The following GRIA1 variants were observed in gnomAD, a reference collection of about 807,000 sequenced individuals.
GRIA1 encodes the protein glutamate receptor 1.
In GRIA1, 31 loss-of-function variants were observed where a neutral mutation model predicts 99.2. The observed-to-expected ratio is 0.31, with a 90% CI of 0.23 to 0.42. The LOEUF (loss-of-function observed/expected upper bound fraction) is 0.42. GRIA1 is among the 10% of genes least tolerant of loss of function. The pLI, the probability that GRIA1 is intolerant of heterozygous loss-of-function variation, is 1.00. For synonymous variants in GRIA1, 438 were observed against 432.4 expected (o/e 1.01, Z -0.16); for missense variants, 782 against 1,157.5 (o/e 0.68, Z 4.71).
chr5:153,723,822 G>C (rs928049072), intron 11 of GRIA1, among the ~76,000 whole-genome samples: 2 of 151,944 alleles, frequency 1.3e-5, no homozygotes, highest in Admixed American at 1.3e-4. Flanking sequence ...GCAGGGCACA[G>C]ACAAACAAAA....
At chr5:153,659,797 T>C (rs187485746) in intron 5 of GRIA1, among the ~76,000 whole-genome samples, 33 of 152,288 alleles carry the variant, frequency 2.2e-4, no homozygotes, top group African/African-American at 7.7e-4. Flanking sequence ...CATAGAGAAC[T>C]AGAAGATTGG....
intron 4 of GRIA1, 84 bp from the exon 5 acceptor site, chr5:153,655,735 G>A (rs111952198): frequency 1.7e-5 from 19 of 1,142,214 alleles, no homozygotes; most frequent in Middle Eastern, 1.9e-4. Flanking sequence ...GTAAGCACTC[G>A]ATATCAGCTG....
intron 11 of GRIA1, among the ~76,000 whole-genome samples, chr5:153,758,794 C>T (rs1762992935): frequency 6.6e-6 from 1 of 151,912 alleles, no homozygotes; most frequent in South Asian, 2.1e-4. Flanking sequence ...GAACAGTCTA[C>T]AGCATATATC....
intron 2 of GRIA1, among the ~76,000 whole-genome samples, chr5:153,623,866 G>A (rs1424140213): frequency 6.6e-6 from 1 of 152,286 alleles, no homozygotes; most frequent in East Asian, 1.9e-4. Flanking sequence ...GTGCCAGTTT[G>A]CTTCAATATG....
chr5:153,682,485 G>C (rs555198347), intron 7 of GRIA1, among the ~76,000 whole-genome samples: 1 of 152,080 alleles, frequency 6.6e-6, no homozygotes, highest in Non-Finnish European at 1.5e-5. Flanking sequence ...TTGCTAAGTC[G>C]GTTTAGCAAG....
chr5:153,507,636 C>T (rs1317319241), intron 2 of GRIA1, among the ~76,000 whole-genome samples: 5 of 152,168 alleles, frequency 3.3e-5, no homozygotes, highest in East Asian at 3.9e-4. Context: ...TTCTTCTTTT[C>T]CCACTGGATT....
intron 11 of GRIA1, among the ~76,000 whole-genome samples, chr5:153,750,639 G>A (rs529674386): frequency 1.3e-5 from 2 of 152,184 alleles, no homozygotes; most frequent in East Asian, 1.9e-4. Context: ...TGCTCCCCCT[G>A]CCCCTATACC....
intron 2 of GRIA1, among the ~76,000 whole-genome samples, chr5:153,508,404 G>A (rs1561595576): frequency 6.6e-6 from 1 of 151,946 alleles, no homozygotes; most frequent in African/African-American, 2.4e-5. Flanking sequence ...GCTAGTGACT[G>A]TCATATTAGA....
intron 4 of GRIA1, 112 bp downstream of exon 4, chr5:153,650,626 G>C: frequency 1.0e-6 from 1 of 962,948 alleles, no homozygotes; most frequent in Admixed American, 2.9e-5. Flanking sequence ...TTCTTGACTA[G>C]GTGAGACTAA....
chr5:153,538,389 C>A (rs1026919214), intron 2 of GRIA1, among the ~76,000 whole-genome samples: 3 of 151,864 alleles, frequency 2.0e-5, no homozygotes, highest in Non-Finnish European at 2.9e-5. Context: ...TTAAAGGAAG[C>A]AATGTGAAAC....
In GRIA1 at chr5:153,580,150, T is replaced by A. The variant is rs114988425; in HGVS notation, c.221-66778T>A. ...TGGTGACTAAGGTGGATGGAGATAA[T>A]GCAGTAGAAGTCAAGGTGGTCCCCT... is the stretch of plus-strand genomic sequence containing the variant. On this transcript the variant is annotated intron_variant, in intron 2 of 15. Transcript: ENST00000285900. Among the ~76,000 whole-genome samples the A allele has an allele frequency of 8.3e-3, 1,259 of 152,274 alleles. 22 individuals are homozygous for A. The highest frequency in any genetic ancestry group is 0.029 in the African/African-American group (1,190 of 41,554).
At chr5:153,697,189 AC>A (rs1758172461) in intron 8 of GRIA1, among the ~76,000 whole-genome samples, 1 of 152,128 alleles carries the variant, frequency 6.6e-6, no homozygotes. Flanking sequence ...AAGATCCCAC[AC>A]TTGGCTTTTG....
intron 12 of GRIA1, 92 bp from the exon 13 acceptor site, chr5:153,770,076 T>A: frequency 7.9e-7 from 1 of 1,263,344 alleles, no homozygotes; most frequent in Non-Finnish European, 1.1e-6. Context: ...CTCATGAATG[T>A]GTGATCAAGC....
Position 153,811,450 on chromosome 5 carries a change from T to A in GRIA1, c.*225T>A. The stretch of plus-strand genomic sequence containing the variant: ...CCCTTTTCTGTTTGCTAAGTGAGGA[T>A]GAAAAAATAACACTGTACTGCAATA... On this transcript the variant is annotated 3_prime_UTR_variant, in exon 16 of 16. Transcript: ENST00000285900. 1 of 508,984 alleles carries A rather than the reference T, an allele frequency of 2.0e-6. No homozygotes were observed. The highest frequency in any genetic ancestry group is 3.6e-6 in the Non-Finnish European group (1 of 279,376). 31.5% of individuals were successfully genotyped at this position (508,984 alleles called of 1,614,324 possible).
intron 11 of GRIA1, among the ~76,000 whole-genome samples, chr5:153,745,388 G>C (rs1236829376): frequency 6.6e-6 from 1 of 151,890 alleles, no homozygotes; most frequent in Non-Finnish European, 1.5e-5. Context: ...AGGAGTTTGA[G>C]ACCAGCCTGG....
chr5:153,638,840 C>T (rs1328501655), intron 2 of GRIA1, among the ~76,000 whole-genome samples: 1 of 152,142 alleles, frequency 6.6e-6, no homozygotes, highest in African/African-American at 2.4e-5. Context: ...CAGTTTATAG[C>T]TAGGAGTAGG....
chr5:153,650,894 A>G lies in GRIA1; in HGVS notation c.645+380A>G, dbSNP rs1406113396. On this transcript the variant is annotated intron_variant, in intron 4 of 15. Coordinates refer to ENST00000285900, the MANE Select transcript of GRIA1 (RefSeq NM_000827.4). ...GCCAACATGGTGAAACCCTGTCTCC[A>G]CTAAAAAAAAAAAAAAAAAAAAAAA... 2.4e-5 allele frequency among the ~76,000 whole-genome samples: 3 copies of G among 125,748 alleles called. No homozygotes were observed. The East Asian group carries it at 6.4e-4, about 27-fold the overall frequency. The allele number at this position is 125,748 out of a possible 152,430, so 82.5% of individuals were successfully genotyped here.
intron 11 of GRIA1, among the ~76,000 whole-genome samples, chr5:153,742,037 T>C (rs1392986177): frequency 6.6e-6 from 1 of 151,770 alleles, no homozygotes; most frequent in Non-Finnish European, 1.5e-5. Context: ...TATCACAGCA[T>C]ACAGAATTTA....
chr5:153,585,427 C>T (rs900424689), intron 2 of GRIA1, among the ~76,000 whole-genome samples: 16 of 151,070 alleles, frequency 1.1e-4, no homozygotes, highest in East Asian at 9.8e-4. Flanking sequence ...TCCTGTCTCA[C>T]CCTCCCAAGT....
Sources: gnomAD v4.1 joint callset for allele counts (sites outside exome capture counted in the v4.1 genomes callset) on GRCh38, gnomAD v4.1.1 for gene constraint, MANE v1.5 for transcripts, NCBI Gene and HGNC (gene_info 2026-07-23, HGNC 2026-07-21) for gene names.